Variants in DOCK4 observed in about 807,000 individuals in gnomAD.
DOCK4 encodes dedicator of cytokinesis 4, also known as dedicator of cytokinesis protein 4.
In DOCK4, 97 loss-of-function variants were observed where a neutral mutation model predicts 268.1. That is an observed-to-expected ratio of 0.36 (90% CI 0.31 to 0.43). DOCK4 has a LOEUF of 0.43. Among genes scored for constraint, DOCK4 ranks in the 20% least tolerant of loss-of-function variants. DOCK4 has a pLI of 1.00. For missense variants in DOCK4, 2,145 were observed against 2,455.7 expected, an observed-to-expected ratio of 0.87 and a Z score of 2.67; for synonymous variants, 954 against 887.2, an observed-to-expected ratio of 1.08 and a Z score of -1.34.
chr7:111,924,327 C>T (rs1350954918), intron 12 of DOCK4, among the ~76,000 whole-genome samples: 2 of 152,020 alleles, frequency 1.3e-5, no homozygotes, highest in African/African-American at 4.8e-5. Flanking sequence ...GAGTGGGTTA[C>T]ACATTTACTT....
intron 32 of DOCK4, among the ~76,000 whole-genome samples, chr7:111,787,687 G>A (rs1799270094): frequency 6.6e-6 from 1 of 152,072 alleles, no homozygotes; most frequent in African/African-American, 2.4e-5. Flanking sequence ...TGATCATAAA[G>A]TTTTGGACCT....
chr7:111,784,217 A>G, intron 32 of DOCK4, 94 bp from the exon 33 acceptor site: 7 of 1,358,694 alleles, frequency 5.2e-6, no homozygotes, highest in Non-Finnish European at 7.1e-6. Context: ...TTCAAAATAT[A>G]CAAGCATCTC....
chr7:111,915,850 T>A lies in DOCK4; in HGVS notation c.1121A>T (p.Glu374Val), dbSNP rs1792537071. 2 of 1,612,564 alleles carry A rather than the reference T, an allele frequency of 1.2e-6. No homozygotes were observed. Among genetic ancestry groups the A allele is most frequent in the East Asian group, 4.5e-5 (2 of 44,836 alleles). Reference sequence around the variant, plus strand: ...TCCATGAGAAAATACTGATGAATATTCCCTTCTGATTTGTTCAATGTCTCC... The same window carrying A: ...TCCATGAGAAAATACTGATGAATATACCCTTCTGATTTGTTCAATGTCTCC... The part of the protein sequence containing the change: ...LHGDIEQIRR[E>V]YSSVFSHGVS... Residue 374 changes from glutamate to valine, a missense_variant, in exon 13 of 53, where the codon GAA (glutamate) becomes GTA (valine). Glu to Val is a moderately radical substitution (Grantham distance 121). Transcript: ENST00000428084.
intron 1 of DOCK4, among the ~76,000 whole-genome samples, chr7:112,058,243 A>G (rs1346514813): frequency 6.6e-6 from 1 of 152,124 alleles, no homozygotes; most frequent in East Asian, 1.9e-4. Context: ...GTACTTTTAC[A>G]ATGTACATAA....
chr7:111,959,598 G>A (rs1203817038), intron 8 of DOCK4, among the ~76,000 whole-genome samples: 1 of 152,122 alleles, frequency 6.6e-6, no homozygotes, highest in African/African-American at 2.4e-5. Context: ...AAAAATATTA[G>A]CATTTTTTAC....
At chr7:111,737,023 G>C in intron 49 of DOCK4, 34 bp from the exon 50 acceptor site, 2 of 1,563,626 alleles carry the variant, frequency 1.3e-6, no homozygotes, top group Non-Finnish European at 1.7e-6. Flanking sequence ...TTTATGATGT[G>C]ATATACGGGC....
At chr7:111,945,612 T>C (rs1271731858) in intron 9 of DOCK4, 105 bp downstream of exon 9, 13 of 995,040 alleles carry the variant, frequency 1.3e-5, no homozygotes, top group Non-Finnish European at 1.9e-5. Context: ...TACATAAAGT[T>C]TAAAAGCAAA....
intron 32 of DOCK4, among the ~76,000 whole-genome samples, chr7:111,787,999 C>T (rs534674503): frequency 7.4e-4 from 112 of 152,272 alleles, no homozygotes; most frequent in African/African-American, 2.5e-3. Flanking sequence ...TTAAACACAA[C>T]GCATGAATAC....
intron 30 of DOCK4, among the ~76,000 whole-genome samples, chr7:111,799,587 C>A (rs937180796): frequency 6.6e-6 from 1 of 152,142 alleles, no homozygotes; most frequent in Admixed American, 6.5e-5. Context: ...GGGAGCAACC[C>A]CTGACAGCCC....
chr7:111,760,467 G>A, intron 39 of DOCK4, 145 bp from the exon 40 acceptor site: 1 of 863,200 alleles, frequency 1.2e-6, no homozygotes. Context: ...AATCTGAAAA[G>A]TTTGCCCAAT....
chr7:111,995,321 G>T (rs533761872), intron 4 of DOCK4, among the ~76,000 whole-genome samples: 4 of 152,054 alleles, frequency 2.6e-5, no homozygotes, highest in Admixed American at 2.0e-4. Context: ...GTGAGCCACC[G>T]CGCCTGGCTG....
intron 1 of DOCK4, among the ~76,000 whole-genome samples, chr7:112,107,489 T>C (rs1338910211): frequency 6.6e-6 from 1 of 152,210 alleles, no homozygotes; most frequent in African/African-American, 2.4e-5. Context: ...ACCAAACCTA[T>C]GGACACCTTT....
At chr7:112,093,224 GA>G (rs1809800538) in intron 1 of DOCK4, among the ~76,000 whole-genome samples, 1 of 152,122 alleles carries the variant, frequency 6.6e-6, no homozygotes, top group African/African-American at 2.4e-5. Context: ...AAATAAACAT[GA>G]AGTGGCTCTT....
At chr7:112,189,414 C>G (rs572323888) in intron 1 of DOCK4, among the ~76,000 whole-genome samples, 2 of 152,144 alleles carry the variant, frequency 1.3e-5, no homozygotes, top group Non-Finnish European at 2.9e-5. Flanking sequence ...AGATTTTCTA[C>G]AACTGACCAT....
intron 32 of DOCK4, among the ~76,000 whole-genome samples, chr7:111,786,206 G>C (rs978253547): frequency 6.6e-6 from 1 of 152,196 alleles, no homozygotes; most frequent in Non-Finnish European, 1.5e-5. Flanking sequence ...AGAAGGCAGA[G>C]CGAAAGACTA....
chr7:111,732,409 A>AGG, intron 51 of DOCK4, 122 bp from the exon 52 acceptor site: 1 of 966,352 alleles, frequency 1.0e-6, no homozygotes, highest in Non-Finnish European at 1.6e-6. Flanking sequence ...TTCTAAGCAA[A>AGG]GGGGGTGGTG....
rs1386964311 is a variant in DOCK4 at position 112,206,062 on chromosome 7, G to C, written c.37+40C>G. On this transcript the variant is annotated intron_variant, in intron 1 of 52. Transcript: ENST00000428084. ...AAGGACGAGAAATGCGCACTCGCTC[G>C]GGCCAGAGCAGAATAAAAGTTCGCC... The C allele has an allele frequency of 3.9e-6, 6 of 1,558,322 alleles. No individual in the cohort carries two copies. The African/African-American group carries it at 4.1e-5, about 11-fold the overall frequency.
chr7:112,193,094 C>T (rs1461715659), intron 1 of DOCK4, among the ~76,000 whole-genome samples: 1 of 152,140 alleles, frequency 6.6e-6, no homozygotes, highest in Non-Finnish European at 1.5e-5. Context: ...TTTAAAAATG[C>T]TAACCTATAT....
intron 20 of DOCK4, 48 bp from the exon 21 acceptor site, chr7:111,869,703 C>T (rs377142542): frequency 5.9e-6 from 9 of 1,516,090 alleles, no homozygotes; most frequent in Non-Finnish European, 8.2e-6. Flanking sequence ...GTCTAATTCT[C>T]AATTAAATGC....
Sources: allele counts gnomAD v4.1 joint callset (sites outside exome capture counted in the v4.1 genomes callset), GRCh38; gene constraint gnomAD v4.1.1; transcripts MANE v1.5; gene names NCBI Gene and HGNC (gene_info 2026-07-23, HGNC 2026-07-21).